CADM2: variants seen among roughly 807,000 people sequenced by gnomAD.
CADM2 encodes cell adhesion molecule 2, also known as immunoglobulin superfamily member 4D.
A neutral mutation model predicts 49.8 loss-of-function variants in CADM2; 12 were observed. The ratio of observed to expected loss-of-function variants is 0.24; its 90% CI spans 0.15 to 0.39. CADM2 has a LOEUF of 0.39. Among genes scored for constraint, CADM2 ranks in the 10% least tolerant of loss-of-function variants. The pLI is 1.00. For missense variants in CADM2, 378 were observed against 492.3 expected, an observed-to-expected ratio of 0.77 and a Z score of 2.20; for synonymous variants, 214 against 175.4, an observed-to-expected ratio of 1.22 and a Z score of -1.74.
chr3:85,654,449 A>G (rs993815004), intron 1 of CADM2, among the ~76,000 whole-genome samples: 7 of 152,178 alleles, frequency 4.6e-5, no homozygotes, highest in African/African-American at 9.7e-5. Flanking sequence ...CATGGGCAGA[A>G]AGTTCAGTAG....
intron 1 of CADM2, among the ~76,000 whole-genome samples, chr3:85,055,213 T>C (rs1373825180): frequency 6.6e-6 from 1 of 151,948 alleles, no homozygotes; most frequent in Non-Finnish European, 1.5e-5. Flanking sequence ...GAAAGAACTA[T>C]GTAGTCTTAA....
intron 1 of CADM2, among the ~76,000 whole-genome samples, chr3:85,430,186 G>C (rs189661568): frequency 6.6e-6 from 1 of 152,178 alleles, no homozygotes; most frequent in Non-Finnish European, 1.5e-5. Context: ...GACAAGTCCA[G>C]ATAATTGCAG....
chr3:85,873,060 T>C (rs577004522), intron 3 of CADM2, among the ~76,000 whole-genome samples: 4 of 152,282 alleles, frequency 2.6e-5, no homozygotes, highest in Non-Finnish European at 4.4e-5. Context: ...CTTTGTGCTG[T>C]ATCATGGCAG....
chr3:85,852,390 TC>T (rs2075142568), intron 3 of CADM2, among the ~76,000 whole-genome samples: 1 of 152,218 alleles, frequency 6.6e-6, no homozygotes, highest in South Asian at 2.1e-4. Flanking sequence ...GTAGCAAAGA[TC>T]TTGTCTTAAT....
At chr3:86,040,759 C>T (rs1432463649) in intron 8 of CADM2, among the ~76,000 whole-genome samples, 2 of 152,058 alleles carry the variant, frequency 1.3e-5, no homozygotes, top group Non-Finnish European at 2.9e-5. Flanking sequence ...TCGAGAAGAG[C>T]AACTCCAAGA....
At chr3:85,373,820 C>T (rs1208051596) in intron 1 of CADM2, among the ~76,000 whole-genome samples, 3 of 152,172 alleles carry the variant, frequency 2.0e-5, no homozygotes. Flanking sequence ...GTATGTTGGC[C>T]CCTTTCAGCC....
chr3:85,959,749 C>T (rs1239254146), intron 7 of CADM2, among the ~76,000 whole-genome samples: 1 of 151,778 alleles, frequency 6.6e-6, no homozygotes, highest in African/African-American at 2.4e-5. Context: ...CAATTTGTTC[C>T]AGTATTCAGA....
chr3:85,156,203 T>A (rs901249933), intron 1 of CADM2, among the ~76,000 whole-genome samples: 6 of 151,392 alleles, frequency 4.0e-5, no homozygotes, highest in African/African-American at 1.5e-4. Context: ...TTTGAAAGGA[T>A]CAACAAAATT....
At chr3:85,156,470 T>C (rs1323227119) in intron 1 of CADM2, among the ~76,000 whole-genome samples, 3 of 152,154 alleles carry the variant, frequency 2.0e-5, no homozygotes, top group African/African-American at 7.2e-5. Flanking sequence ...TCTGAAATTA[T>C]TGGCAATAAT....
At chr3:85,567,714 T>C (rs1478746919) in intron 1 of CADM2, among the ~76,000 whole-genome samples, 1 of 152,180 alleles carries the variant, frequency 6.6e-6, no homozygotes. Flanking sequence ...CACACAATTA[T>C]GGAGGCTTAA....
chr3:85,515,579 C>T (rs746209807), intron 1 of CADM2, among the ~76,000 whole-genome samples: 11 of 142,914 alleles, frequency 7.7e-5, no homozygotes, highest in African/African-American at 2.5e-4. Context: ...AGTGCCACCA[C>T]GCCCTACAGG....
Position 85,713,404 on chromosome 3 carries a change from C to A in CADM2, c.62-13118C>A, listed in dbSNP as rs559811710. ...CCTCAGGTGATCCGCCCTTCTGGGC[C>A]TCCTAAAGTGCTGGGAATTACAGGC... On this transcript the variant is annotated intron_variant, in intron 1 of 9. Transcript: ENST00000383699. 4.5e-4 allele frequency among the ~76,000 whole-genome samples: 69 copies of A among 152,284 alleles called. 1 individual carries two copies. Among genetic ancestry groups the A allele is most frequent in the African/African-American group, 1.6e-3 (67 of 41,558 alleles).
intron 8 of CADM2, among the ~76,000 whole-genome samples, chr3:86,033,587 A>G (rs1459779004): frequency 4.7e-5 from 7 of 150,324 alleles, no homozygotes; most frequent in African/African-American, 1.7e-4. Context: ...ATACTGCTTT[A>G]GTTTTTTCCT....
chr3:85,416,677 C>A (rs9878372), intron 1 of CADM2, among the ~76,000 whole-genome samples: 1 of 151,912 alleles, frequency 6.6e-6, no homozygotes, highest in African/African-American at 2.4e-5. Context: ...GCCTGGAATA[C>A]GAAAAAAATT....
intron 1 of CADM2, among the ~76,000 whole-genome samples, chr3:84,987,020 C>T (rs990438456): frequency 1.3e-5 from 2 of 151,296 alleles, no homozygotes; most frequent in Non-Finnish European, 2.9e-5. Context: ...TCATTGCACT[C>T]CAGCCTGGGC....
intron 1 of CADM2, among the ~76,000 whole-genome samples, chr3:85,615,374 A>T (rs1242599627): frequency 6.6e-6 from 1 of 152,014 alleles, no homozygotes; most frequent in Non-Finnish European, 1.5e-5. Flanking sequence ...TAATCTGTCT[A>T]GCCAGTTGTT....
chr3:85,634,515 A>G (rs1346547429), intron 1 of CADM2, among the ~76,000 whole-genome samples: 1 of 152,070 alleles, frequency 6.6e-6, no homozygotes, highest in Non-Finnish European at 1.5e-5. Context: ...AGAAGAAATA[A>G]TACCTGTGTA....
intron 2 of CADM2, among the ~76,000 whole-genome samples, chr3:85,741,511 T>C (rs1232170106): frequency 1.3e-5 from 2 of 151,920 alleles, no homozygotes; most frequent in African/African-American, 4.8e-5. Flanking sequence ...CTACTAAAAA[T>C]ACAAAAATTA....
rs547188803 is a variant in CADM2 at position 86,069,207 on chromosome 3, C to G, written c.*2424C>G. 1.3e-5 allele frequency: 2 copies of G among 152,032 alleles called. No individual in the cohort carries two copies. The highest frequency in any genetic ancestry group is 4.8e-5 in the African/African-American group (2 of 41,518). The allele number at this position is 152,032 out of a possible 1,614,324, so 9.4% of individuals were successfully genotyped here. A position where few individuals can be genotyped will look rare whatever the true frequency, so the allele number is the denominator to read the frequency against. On this transcript the variant is annotated 3_prime_UTR_variant, in exon 10 of 10. Transcript: ENST00000383699. The stretch of plus-strand genomic sequence containing the variant: ...TAAATTGTTGCCTAAATAACTCAAT[C>G]ATTATTTATAGCACTGTAAAATTAG...
Sources: allele counts gnomAD v4.1 joint callset (sites outside exome capture counted in the v4.1 genomes callset), GRCh38; gene constraint gnomAD v4.1.1; transcripts MANE v1.5; gene names NCBI Gene and HGNC (gene_info 2026-07-23, HGNC 2026-07-21).